SLC14A2: variants seen among roughly 807,000 people sequenced by gnomAD.
SLC14A2 encodes the protein urea transporter 2.
Under a neutral mutation model 104.6 loss-of-function variants are expected in SLC14A2, and 91 were observed. That is an observed-to-expected ratio of 0.87 (90% CI 0.73 to 1.04). SLC14A2 has a LOEUF of 1.04. Ranked by LOEUF, SLC14A2 falls within the 50% of genes least tolerant of loss-of-function variation. The pLI is 0.00. For synonymous variants in SLC14A2, 476 were observed against 466.4 expected (o/e 1.02, Z -0.27); for missense variants, 1,189 against 1,156.0 (o/e 1.03, Z -0.41).
intron 2 of SLC14A2, among the ~76,000 whole-genome samples, chr18:45,545,707 T>C (rs1057260909): frequency 1.3e-5 from 2 of 152,196 alleles, no homozygotes; most frequent in African/African-American, 2.4e-5. Context: ...TGGGTTTTCA[T>C]TGGTCACTGT....
At chr18:45,211,875 C>T (rs1032827036), upstream of SLC14A2, among the ~76,000 whole-genome samples, 1 of 152,178 alleles carries the variant, frequency 6.6e-6, no homozygotes, top group African/African-American at 2.4e-5. Context: ...CCAACCATCT[C>T]AATAGAAAAG....
intron 18 of SLC14A2, among the ~76,000 whole-genome samples, chr18:45,675,901 G>T (rs1418908557): frequency 6.6e-6 from 1 of 151,652 alleles, no homozygotes; most frequent in Non-Finnish European, 1.5e-5. Flanking sequence ...CCCATTGATA[G>T]GCAACCAGGA....
At chr18:45,190,408 A>G in the SLC14A2 span, among the ~76,000 whole-genome samples, 2 of 152,200 alleles carry the variant, frequency 1.3e-5, no homozygotes, top group Non-Finnish European at 2.9e-5. Context: ...CCTGGAGTAG[A>G]TGTTAAAAAC....
intron 2 of SLC14A2, among the ~76,000 whole-genome samples, chr18:45,591,566 A>T (rs2044646567): frequency 6.6e-6 from 1 of 152,074 alleles, no homozygotes; most frequent in Non-Finnish European, 1.5e-5. Context: ...TGAACTCCTG[A>T]CCTCGTGATC....
intron 1 of SLC14A2, among the ~76,000 whole-genome samples, chr18:45,332,816 C>T (rs747147593): frequency 2.6e-5 from 4 of 152,146 alleles, no homozygotes; most frequent in Non-Finnish European, 5.9e-5. Flanking sequence ...ATTGGGGTGA[C>T]ACAATTTTGT....
At chr18:45,301,420 T>C (rs1383207967) in intron 1 of SLC14A2, among the ~76,000 whole-genome samples, 35 of 152,336 alleles carry the variant, frequency 2.3e-4, no homozygotes, top group Non-Finnish European at 1.5e-5. Flanking sequence ...GCAGCAGAAG[T>C]AGTCCGTGGA....
upstream of SLC14A2, chr18:45,615,228 T>A (rs1310571681): frequency 1.3e-5 from 2 of 152,198 alleles, no homozygotes; most frequent in East Asian, 3.8e-4. Context: ...AGGCACAATT[T>A]TGTTTTGAAA....
chr18:45,654,256 A>G (rs1051482127), intron 10 of SLC14A2, among the ~76,000 whole-genome samples: 9 of 152,160 alleles, frequency 5.9e-5, no homozygotes, highest in Non-Finnish European at 8.8e-5. Context: ...AACGCAAGCT[A>G]GTGAATTTAT....
chr18:45,388,469 G>C (rs889839286), intron 1 of SLC14A2, among the ~76,000 whole-genome samples: 1 of 152,070 alleles, frequency 6.6e-6, no homozygotes, highest in Non-Finnish European at 1.5e-5. Flanking sequence ...TATAATAAAA[G>C]ACAGGGCATA....
upstream of SLC14A2, among the ~76,000 whole-genome samples, chr18:45,209,538 C>G (rs1373002723): frequency 6.9e-6 from 1 of 144,172 alleles, no homozygotes; most frequent in Admixed American, 6.9e-5. Flanking sequence ...TAGAATCACC[C>G]CTTCCTTTTT....
chr18:45,468,875 T>C (rs189938567), intron 1 of SLC14A2, among the ~76,000 whole-genome samples: 7 of 152,280 alleles, frequency 4.6e-5, no homozygotes, highest in African/African-American at 1.4e-4. Flanking sequence ...AAAGATAATA[T>C]AGAAGAAGCA....
chr18:45,569,365 C>T (rs1001071397), intron 2 of SLC14A2, among the ~76,000 whole-genome samples: 1 of 152,154 alleles, frequency 6.6e-6, no homozygotes, highest in Non-Finnish European at 1.5e-5. Context: ...TTGAACTAAC[C>T]CCTTTACTCT....
chr18:45,488,188 A>T (rs574333295), intron 2 of SLC14A2, among the ~76,000 whole-genome samples: 1 of 152,170 alleles, frequency 6.6e-6, no homozygotes, highest in Admixed American at 6.5e-5. Flanking sequence ...ATGTATGAAC[A>T]TGAGAGCAAG....
rs142659479 is a variant in SLC14A2 at position 45,412,703 on chromosome 18, G to A, written c.-124-70530G>A. The stretch of plus-strand genomic sequence containing the variant: ...ATCATGGTGGATGAGCTGTATCACA[G>A]CAGCCACCCCTGAGATGGTAGAAGA... On this transcript the variant is annotated intron_variant, in intron 1 of 20. Coordinates refer to the SLC14A2 transcript ENST00000586448. Among the ~76,000 whole-genome samples the A allele has an allele frequency of 3.2e-3, 491 of 152,304 alleles. 2 individuals carry two copies. Among genetic ancestry groups the A allele is most frequent in the African/African-American group, 0.011 (459 of 41,560 alleles).
At chr18:45,539,077 TA>T (rs1221170890) in intron 2 of SLC14A2, among the ~76,000 whole-genome samples, 3 of 150,970 alleles carry the variant, frequency 2.0e-5, no homozygotes, top group South Asian at 2.1e-4. Context: ...AGCAGTCAAG[TA>T]AAAAAATAAC....
At chr18:45,658,133 C>G (rs1001810653) in intron 10 of SLC14A2, among the ~76,000 whole-genome samples, 1 of 152,058 alleles carries the variant, frequency 6.6e-6, no homozygotes, top group African/African-American at 2.4e-5. Flanking sequence ...GGTGTGTCCA[C>G]AAACAACAGA....
At position 45,682,513 on chromosome 18, in the gene SLC14A2, C is replaced by T; in HGVS notation, c.2757C>T (p.Val919=). Residue 919 remains valine, a synonymous_variant, in exon 20 of 20, where the codon GTC becomes GTT. Coordinates refer to ENST00000255226, the MANE Select transcript of SLC14A2 (RefSeq NM_007163.4). ...TAACAAAGTATCAGGCCTACGATGT[C>T]TCCTAAGTTTCCCTGTCTAAAACAC... ...SIITKYQAYD[V]S 1 of 1,613,432 alleles carries T rather than the reference C, an allele frequency of 6.2e-7. No homozygotes were observed.
intron 2 of SLC14A2, among the ~76,000 whole-genome samples, chr18:45,533,812 T>C (rs542152653): frequency 3.3e-5 from 5 of 152,334 alleles, no homozygotes; most frequent in Non-Finnish European, 7.3e-5. Flanking sequence ...TTTAGATCTT[T>C]CCTGCTTTCT....
At chr18:45,655,319 C>T (rs1008303518) in intron 10 of SLC14A2, among the ~76,000 whole-genome samples, 22 of 152,174 alleles carry the variant, frequency 1.4e-4, no homozygotes, top group African/African-American at 5.3e-4. Flanking sequence ...AAAACCAGCA[C>T]CAAACGATAT....
Sources: allele counts gnomAD v4.1 joint callset (sites outside exome capture counted in the v4.1 genomes callset), GRCh38; gene constraint gnomAD v4.1.1; transcripts MANE v1.5; gene names NCBI Gene and HGNC (gene_info 2026-07-23, HGNC 2026-07-21).